Variants in OOEP observed in about 807,000 individuals in gnomAD.
The protein encoded by OOEP is oocyte expressed protein, also known as oocyte-expressed protein homolog.
Under a neutral mutation model 13.7 loss-of-function variants are expected in OOEP, and 16 were observed. The observed-to-expected ratio is 1.16, with a 90% CI of 0.79 to 1.77. The LOEUF is 1.77. Among genes scored for constraint, OOEP ranks in the 40% most tolerant of loss-of-function variants. The probability of loss-of-function intolerance (pLI) is 0.00; values close to 1 mark genes in which losing one functional copy is unlikely to be tolerated. For synonymous variants in OOEP, 89 were observed against 77.1 expected (o/e 1.15, Z -0.81); for missense variants, 195 against 193.1 (o/e 1.01, Z -0.06).
At chr6:73,385,043 T>C (rs1380586573) in intron 2 of OOEP, among the ~76,000 whole-genome samples, 1 of 147,730 alleles carries the variant, frequency 6.8e-6, no homozygotes, top group Non-Finnish European at 1.5e-5. Flanking sequence ...GCCTCAAACC[T>C]GTCTTAAAAA....
chr6:73,369,614 TC>T lies in OOEP; in HGVS notation c.178del (p.Asp60ThrfsTer10). 1 of 1,613,548 alleles carries T rather than the reference TC, an allele frequency of 6.2e-7. No homozygotes were observed. Among genetic ancestry groups the T allele is most frequent in the South Asian group, 1.1e-5 (1 of 91,066 alleles). The stretch of plus-strand genomic sequence containing the variant: ...CTGGGGTCGCTCACCAAAGAGCTCG[TC>T]TGCCAGCCATGCCTCTAGGTAGAAC... Reference protein sequence around the residue: ...LVFYLEAWLADELFGPDRAII... With the variant: ...LVFYLEAWLAXELFGPDRAII... On this transcript the variant is annotated frameshift_variant, in exon 1 of 3. Coordinates refer to ENST00000370359, the MANE Select transcript of OOEP (RefSeq NM_001080507.3). LOFTEE classifies it high-confidence loss of function.
At chr6:73,374,219 G>GT (rs1769103312), upstream of OOEP, among the ~76,000 whole-genome samples, 1 of 152,052 alleles carries the variant, frequency 6.6e-6, no homozygotes, top group African/African-American at 2.4e-5. Flanking sequence ...ACAATTTTAT[G>GT]TATTTTTTTA....
At chr6:73,389,123 C>CACTTA in intron 2 of OOEP, among the ~76,000 whole-genome samples, 1 of 152,206 alleles carries the variant, frequency 6.6e-6, no homozygotes, top group Admixed American at 6.5e-5. Flanking sequence ...AATGCAGACC[C>CACTTA]GGGAGCTTTG....
chr6:73,370,197 T>G (rs1769029321), upstream of OOEP: 1 of 183,062 alleles, frequency 5.5e-6, no homozygotes, highest in African/African-American at 2.3e-5. Flanking sequence ...TAGGTTAAGG[T>G]TTCATCGTTG....
intron 2 of OOEP, among the ~76,000 whole-genome samples, chr6:73,387,371 G>T (rs534685392): frequency 6.6e-6 from 1 of 151,566 alleles, no homozygotes; most frequent in Non-Finnish European, 1.5e-5. Context: ...AAAATTAGCC[G>T]GGTGTGGTGG....
upstream of OOEP, chr6:73,373,366 C>T: frequency 8.3e-7 from 1 of 1,206,686 alleles, no homozygotes; most frequent in East Asian, 2.4e-5. Context: ...ACTCTGTCAC[C>T]CAGGCTAGAG....
At chr6:73,369,082 T>TA (rs1429659820) in intron 2 of OOEP, 124 bp downstream of exon 2, 2 of 1,028,370 alleles carry the variant, frequency 1.9e-6, no homozygotes, top group Non-Finnish European at 2.8e-6. Flanking sequence ...TTCGTACAGC[T>TA]AGCTCCCTGG....
intron 2 of OOEP, among the ~76,000 whole-genome samples, chr6:73,386,204 C>T (rs1359505759): frequency 6.6e-6 from 1 of 151,770 alleles, no homozygotes; most frequent in Non-Finnish European, 1.5e-5. Flanking sequence ...AAGCGATTCT[C>T]CTGCCCCAGC....
chr6:73,384,271 C>T (rs545479138), intron 2 of OOEP, among the ~76,000 whole-genome samples: 10 of 146,966 alleles, frequency 6.8e-5, no homozygotes, highest in Non-Finnish European at 1.5e-4. Context: ...TCTGAATAAA[C>T]CTGTCATAAG....
At chr6:73,384,077 C>T (rs1168190876) in intron 2 of OOEP, among the ~76,000 whole-genome samples, 1 of 152,066 alleles carries the variant, frequency 6.6e-6, no homozygotes, top group Non-Finnish European at 1.5e-5. Context: ...GCCCAGGCAA[C>T]AGAGTGAGAC....
In OOEP at chr6:73,381,934, C is replaced by T. The variant is rs1408676943; in HGVS notation, c.25+12412G>A. Among the ~76,000 whole-genome samples the T allele has an allele frequency of 5.3e-5, 8 of 152,104 alleles. No individual in the cohort carries two copies. In the East Asian group the frequency reaches 1.5e-3, roughly 29 times the overall value. Reference sequence around the variant, plus strand: ...AGGCAGAGGTTGCAGTGAACTGAGACTGTGCCACTGTATTCCAGCCTGGGT... The same window carrying T: ...AGGCAGAGGTTGCAGTGAACTGAGATTGTGCCACTGTATTCCAGCCTGGGT... On this transcript the variant is annotated intron_variant, in intron 2 of 3. Transcript: ENST00000370363.
At chr6:73,392,155 G>A (rs574436) in intron 2 of OOEP, among the ~76,000 whole-genome samples, 105,778 of 152,062 alleles carry the variant, frequency 0.7, 37,119 homozygotes, top group East Asian at 0.82. Context: ...GTACAGACCA[G>A]TATTTCTGAC....
At chr6:73,389,459 A>G (rs1769317312) in intron 2 of OOEP, among the ~76,000 whole-genome samples, 1 of 152,102 alleles carries the variant, frequency 6.6e-6, no homozygotes. Context: ...CCGCAGGCAT[A>G]TCCAATTTCT....
At chr6:73,392,558 CCTCCCAAGGTG>C (rs1463531477) in intron 2 of OOEP, among the ~76,000 whole-genome samples, 1 of 149,296 alleles carries the variant, frequency 6.7e-6, no homozygotes, top group Non-Finnish European at 1.5e-5. Flanking sequence ...CCCACCTCAA[CCTCCCAAGGTG>C]CTGAGATTAC....
intron 2 of OOEP, among the ~76,000 whole-genome samples, chr6:73,393,053 C>A (rs780784041): frequency 3.7e-4 from 56 of 151,910 alleles, no homozygotes; most frequent in Non-Finnish European, 6.6e-4. Context: ...CAGCCATGAG[C>A]CACACCATGC....
At chr6:73,376,721 G>A (rs1211082691) in intron 2 of OOEP, among the ~76,000 whole-genome samples, 7 of 148,724 alleles carry the variant, frequency 4.7e-5, no homozygotes, top group Admixed American at 2.0e-4. Context: ...GTGCGATCTC[G>A]GCTCACCGCA....
intron 2 of OOEP, among the ~76,000 whole-genome samples, chr6:73,379,252 G>A (rs2150781003): frequency 6.6e-6 from 1 of 151,588 alleles, no homozygotes; most frequent in South Asian, 2.1e-4. Flanking sequence ...TCAAACTCCT[G>A]GGCTCAAGCA....
At chr6:73,376,647 G>C (rs1338301556) in intron 2 of OOEP, among the ~76,000 whole-genome samples, 1 of 150,082 alleles carries the variant, frequency 6.7e-6, no homozygotes, top group Admixed American at 6.7e-5. Flanking sequence ...TGATTTTTGT[G>C]GTTTTTGTTT....
chr6:73,368,825 G>A lies in OOEP; in HGVS notation c.409C>T (p.His137Tyr). Residue 137 changes from histidine to tyrosine, a missense_variant, in exon 3 of 3, where the codon CAT becomes TAT. By Grantham distance (83) the His-to-Tyr change is moderately conservative. Transcript: ENST00000370359. The stretch of plus-strand genomic sequence containing the variant: ...TGGGGAGAGTGGGGGTCTGATGCAT[G>A]GGCCTTCAAGTTCTTCTCAAGGTGT... The part of the protein sequence containing the change: ...MKHLEKNLKA[H>Y]ASDPHSPQDP... The A allele has an allele frequency of 6.2e-7, 1 of 1,613,634 alleles. No individual in the cohort carries two copies.
Sources: gnomAD v4.1 joint callset for allele counts (sites outside exome capture counted in the v4.1 genomes callset) on GRCh38, gnomAD v4.1.1 for gene constraint, MANE v1.5 for transcripts, NCBI Gene and HGNC (gene_info 2026-07-23, HGNC 2026-07-21) for gene names.